The following LRRIQ1 variants were observed in gnomAD, a reference collection of about 807,000 sequenced individuals.
LRRIQ1 encodes leucine-rich repeat- and IQ domain-containing protein 1.
A neutral mutation model predicts 211.9 loss-of-function variants in LRRIQ1; 210 were observed. That is an observed-to-expected ratio of 0.99 (90% CI 0.89 to 1.11). The LOEUF (loss-of-function observed/expected upper bound fraction) is 1.11. Ranked by LOEUF, LRRIQ1 falls within the 50% of genes most tolerant of loss-of-function variation. The pLI, the probability that LRRIQ1 is intolerant of heterozygous loss-of-function variation, is 0.00. For synonymous variants in LRRIQ1, 699 were observed against 650.1 expected (o/e 1.08, Z -1.14); for missense variants, 2,136 against 1,939.5 (o/e 1.10, Z -1.90).
At chr12:85,096,434 G>T (rs1317061749) in intron 11 of LRRIQ1, among the ~76,000 whole-genome samples, 2 of 152,090 alleles carry the variant, frequency 1.3e-5, no homozygotes, top group Non-Finnish European at 2.9e-5. Context: ...AAGGCATTCA[G>T]AAGCCAGTTG....
chr12:85,243,633 G>A (rs1255211314), intron 26 of LRRIQ1, among the ~76,000 whole-genome samples: 1 of 151,064 alleles, frequency 6.6e-6, no homozygotes, highest in Non-Finnish European at 1.5e-5. Flanking sequence ...TTAAAACATT[G>A]TGTTGTACAT....
chr12:85,097,806 C>T (rs933104951), intron 11 of LRRIQ1, among the ~76,000 whole-genome samples: 1 of 152,026 alleles, frequency 6.6e-6, no homozygotes, highest in Non-Finnish European at 1.5e-5. Context: ...GTTACAGTTT[C>T]GAAGGCTCAT....
At chr12:85,262,080 G>A (rs1377092416) in intron 1 of LRRIQ1, among the ~76,000 whole-genome samples, 2 of 152,106 alleles carry the variant, frequency 1.3e-5, no homozygotes, top group Non-Finnish European at 2.9e-5. Flanking sequence ...AAGCCACTGC[G>A]CCAGGCCATA....
chr12:85,235,483 C>T (rs548711091), intron 26 of LRRIQ1, among the ~76,000 whole-genome samples: 5 of 152,228 alleles, frequency 3.3e-5, no homozygotes, highest in East Asian at 1.9e-4. Context: ...GGTCTGGAGA[C>T]GGGGAAGACC....
chr12:85,116,811 G>T (rs1887615723), intron 15 of LRRIQ1, among the ~76,000 whole-genome samples: 1 of 150,680 alleles, frequency 6.6e-6, no homozygotes, highest in Non-Finnish European at 1.5e-5. Context: ...GTAGTATTTT[G>T]TTTCTGCCTT....
At chr12:85,164,972 A>G (rs1443743797) in intron 24 of LRRIQ1, among the ~76,000 whole-genome samples, 1 of 152,164 alleles carries the variant, frequency 6.6e-6, no homozygotes, top group Admixed American at 6.5e-5. Flanking sequence ...TCATAGTTGC[A>G]TTAATATAAT....
At chr12:85,046,797 A>G (rs1289290624) in intron 5 of LRRIQ1, among the ~76,000 whole-genome samples, 6 of 152,190 alleles carry the variant, frequency 3.9e-5, no homozygotes, top group African/African-American at 7.2e-5. Flanking sequence ...TGTGGCACAT[A>G]TACACCATGG....
At chr12:85,176,812 A>T (rs1248189458) in intron 24 of LRRIQ1, among the ~76,000 whole-genome samples, 1 of 152,122 alleles carries the variant, frequency 6.6e-6, no homozygotes, top group Non-Finnish European at 1.5e-5. Flanking sequence ...AGTCATGGTA[A>T]CAATAACATT....
chr12:85,224,791 G>A (rs1281876743), intron 24 of LRRIQ1, among the ~76,000 whole-genome samples: 4 of 151,906 alleles, frequency 2.6e-5, no homozygotes, highest in South Asian at 2.1e-4. Flanking sequence ...TGTAGATGAT[G>A]AGTTGATGGG....
At chr12:85,048,192 A>G (rs958027243) in intron 6 of LRRIQ1, 12 of 152,300 alleles carry the variant, frequency 7.9e-5, no homozygotes, top group African/African-American at 2.9e-4. Flanking sequence ...GTTGCATATA[A>G]AGAACATTAG....
At chr12:85,043,920 T>C (rs763425693) in intron 3 of LRRIQ1, among the ~76,000 whole-genome samples, 4 of 152,022 alleles carry the variant, frequency 2.6e-5, no homozygotes, top group Admixed American at 2.0e-4. Flanking sequence ...CCTTTATACA[T>C]AATAATTTAT....
chr12:85,134,940 A>G (rs936739035), intron 18 of LRRIQ1, among the ~76,000 whole-genome samples: 19 of 152,192 alleles, frequency 1.2e-4, no homozygotes, highest in Admixed American at 5.2e-4. Flanking sequence ...ATGAACTTCT[A>G]TAATTCAAGC....
intron 11 of LRRIQ1, among the ~76,000 whole-genome samples, chr12:85,073,300 G>A (rs972465254): frequency 4.6e-5 from 7 of 151,884 alleles, no homozygotes; most frequent in Non-Finnish European, 8.8e-5. Flanking sequence ...ATGCTTTAAT[G>A]TGTTTATTTG....
chr12:85,196,101 T>C (rs1242582300), intron 24 of LRRIQ1, among the ~76,000 whole-genome samples: 1 of 151,992 alleles, frequency 6.6e-6, no homozygotes, highest in African/African-American at 2.4e-5. Flanking sequence ...ATAAAATACC[T>C]AGGAATCCAA....
chr12:85,234,983 T>C (rs1386513030), intron 26 of LRRIQ1, among the ~76,000 whole-genome samples: 1 of 152,182 alleles, frequency 6.6e-6, no homozygotes. Context: ...AAGCAATGAA[T>C]GCCAAAAGAC....
At chr12:85,131,351 A>C (rs1205615040) in intron 18 of LRRIQ1, among the ~76,000 whole-genome samples, 1 of 151,982 alleles carries the variant, frequency 6.6e-6, no homozygotes, top group African/African-American at 2.4e-5. Flanking sequence ...AAGTCACCTC[A>C]TGTTAAAGTG....
chr12:85,135,134 A>G (rs779371308), intron 18 of LRRIQ1, among the ~76,000 whole-genome samples: 5 of 152,010 alleles, frequency 3.3e-5, no homozygotes, highest in Non-Finnish European at 5.9e-5. Flanking sequence ...GTCTTTTATT[A>G]TACAGCAACT....
chr12:85,133,759 T>C (rs1182270355), intron 18 of LRRIQ1, among the ~76,000 whole-genome samples: 1 of 152,104 alleles, frequency 6.6e-6, no homozygotes, highest in East Asian at 1.9e-4. Context: ...TAGGTAACTA[T>C]ACCTATTCCT....
intron 3 of LRRIQ1, 124 bp from the exon 4 acceptor site, chr12:85,044,594 C>T: frequency 4.8e-6 from 2 of 419,494 alleles, no homozygotes. Flanking sequence ...TTCTGAGTTA[C>T]TCTTACTGAT....
Sources: allele counts gnomAD v4.1 joint callset (sites outside exome capture counted in the v4.1 genomes callset), GRCh38; gene constraint gnomAD v4.1.1; transcripts MANE v1.5; gene names NCBI Gene and HGNC (gene_info 2026-07-23, HGNC 2026-07-21).